EFHD1: variants seen among roughly 807,000 people sequenced by gnomAD.
The protein encoded by EFHD1 is EF-hand domain-containing protein D1.
EFHD1 carries 10 observed loss-of-function variants against 17.2 expected under a neutral mutation model. That is an observed-to-expected ratio of 0.58 (90% CI 0.36 to 0.99). The LOEUF (loss-of-function observed/expected upper bound fraction) is 0.99. Among genes scored for constraint, EFHD1 ranks in the 50% least tolerant of loss-of-function variants. The pLI is 0.01. For missense variants in EFHD1, 310 were observed against 327.5 expected, an observed-to-expected ratio of 0.95 and a Z score of 0.41; for synonymous variants, 153 against 142.0, an observed-to-expected ratio of 1.08 and a Z score of -0.55.
chr2:232,648,249 G>A (rs1694570177), intron 1 of EFHD1, among the ~76,000 whole-genome samples: 1 of 152,102 alleles, frequency 6.6e-6, no homozygotes, highest in Admixed American at 6.6e-5. Context: ...AAGGAGAGCT[G>A]GGAGTTTATC....
intron 1 of EFHD1, among the ~76,000 whole-genome samples, chr2:232,654,416 C>CTTTTTTTTTTTT (rs539954632): frequency 9.5e-5 from 9 of 94,596 alleles, no homozygotes; most frequent in Admixed American, 1.3e-4. Context: ...TTCTTTCTTT[C>CTTTTTTTTTTTT]TTTTTTTTTT....
chr2:232,627,074 T>A (rs1405280892), intron 1 of EFHD1, among the ~76,000 whole-genome samples: 1 of 141,768 alleles, frequency 7.1e-6, no homozygotes, highest in African/African-American at 2.6e-5. Context: ...ATTTTTTTTT[T>A]TTTTTAATTA....
chr2:232,669,229 G>A (rs1695023399), intron 2 of EFHD1, among the ~76,000 whole-genome samples: 1 of 152,134 alleles, frequency 6.6e-6, no homozygotes, highest in Non-Finnish European at 1.5e-5. Flanking sequence ...CTTCTTTCAA[G>A]TCAATGTTCA....
intron 1 of EFHD1, among the ~76,000 whole-genome samples, chr2:232,635,535 G>A (rs1479400741): frequency 1.3e-5 from 2 of 152,150 alleles, no homozygotes; most frequent in South Asian, 2.1e-4. Context: ...CACGCAAAGG[G>A]GAGCCGGGCA....
intron 1 of EFHD1, among the ~76,000 whole-genome samples, chr2:232,612,724 T>C (rs1293526616): frequency 6.7e-6 from 1 of 148,578 alleles, no homozygotes; most frequent in East Asian, 2.0e-4. Context: ...GTAGTTTCTT[T>C]TTTTCTTTTC....
At chr2:232,645,231 G>T (rs1186764049) in intron 1 of EFHD1, among the ~76,000 whole-genome samples, 1 of 152,118 alleles carries the variant, frequency 6.6e-6, no homozygotes, top group African/African-American at 2.4e-5. Context: ...CCTGGAGCGG[G>T]CCACATCCAA....
intron 1 of EFHD1, among the ~76,000 whole-genome samples, chr2:232,661,237 C>T (rs1282559434): frequency 6.6e-6 from 1 of 152,114 alleles, no homozygotes; most frequent in Non-Finnish European, 1.5e-5. Context: ...TATCGTGCTG[C>T]CATCACCACC....
intron 1 of EFHD1, among the ~76,000 whole-genome samples, chr2:232,625,302 C>T (rs1694087779): frequency 1.5e-5 from 2 of 134,846 alleles, no homozygotes; most frequent in South Asian, 2.3e-4. Context: ...CTAATTTAAA[C>T]ATTTTTTTTT....
At chr2:232,633,573 C>CTCCCAACCGCCGGG, upstream of EFHD1, 1 of 1,306,604 alleles carries the variant, frequency 7.7e-7, no homozygotes, top group Non-Finnish European at 9.7e-7. Flanking sequence ...TCCTCAGACC[C>CTCCCAACCGCCGGG]TCCCAACCGC....
At chr2:232,614,071 CATT>C (rs1270009536) in intron 1 of EFHD1, among the ~76,000 whole-genome samples, 8 of 151,902 alleles carry the variant, frequency 5.3e-5, no homozygotes, top group Admixed American at 2.6e-4. Flanking sequence ...CATGCACACA[CATT>C]ATACACACAT....
intron 1 of EFHD1, among the ~76,000 whole-genome samples, chr2:232,646,526 C>T (rs1694532435): frequency 6.7e-6 from 1 of 148,314 alleles, no homozygotes; most frequent in Non-Finnish European, 1.5e-5. Flanking sequence ...CTCACTGCAG[C>T]CTCCGCCTCC....
intron 3 of EFHD1, among the ~76,000 whole-genome samples, chr2:232,680,432 C>T (rs992233096): frequency 5.9e-5 from 9 of 152,150 alleles, no homozygotes; most frequent in Admixed American, 1.3e-4. Context: ...CACCAAATTC[C>T]ATTCACAATA....
chr2:232,670,934 T>C (rs575269365), intron 2 of EFHD1, among the ~76,000 whole-genome samples: 1 of 152,322 alleles, frequency 6.6e-6, no homozygotes, highest in East Asian at 1.9e-4. Context: ...TAAAAAACCA[T>C]TGGAAATATT....
chr2:232,617,096 GCCCATTGACTGGAGCCCT>G (rs1306975933), intron 1 of EFHD1, among the ~76,000 whole-genome samples: 1 of 152,184 alleles, frequency 6.6e-6, no homozygotes, highest in Non-Finnish European at 1.5e-5. Flanking sequence ...GCTCTTCGGG[GCCCATTGACTGGAGCCCT>G]CCATGTGGCA....
intron 3 of EFHD1, among the ~76,000 whole-genome samples, chr2:232,677,997 C>T (rs2106220766): frequency 6.6e-6 from 1 of 152,024 alleles, no homozygotes; most frequent in South Asian, 2.1e-4. Flanking sequence ...CTTAAAACTT[C>T]AGGGGCCAGG....
chr2:232,654,043 C>T (rs1437100404), intron 1 of EFHD1, among the ~76,000 whole-genome samples: 3 of 151,850 alleles, frequency 2.0e-5, no homozygotes, highest in Admixed American at 6.6e-5. Context: ...CCTGTCTCTA[C>T]TAAAAATACA....
rs982756602 is a variant in EFHD1 at position 232,669,340 on chromosome 2, G to A, written c.451-2969G>A. 1.2e-4 allele frequency among the ~76,000 whole-genome samples: 19 copies of A among 152,268 alleles called. No individual in the cohort carries two copies. The South Asian group carries it at 3.3e-3, about 27-fold the overall frequency. The stretch of plus-strand genomic sequence containing the variant: ...ATGGCTGACCGTCGGCCTCTCCGTG[G>A]GCATCTTGCTGTGTCTCTTGCTTTG... On this transcript the variant is annotated intron_variant, in intron 2 of 3. Coordinates refer to ENST00000264059, the MANE Select transcript of EFHD1 (RefSeq NM_025202.4).
chr2:232,677,241 CGT>C (rs143713037), intron 3 of EFHD1, among the ~76,000 whole-genome samples: 2,357 of 131,014 alleles, frequency 0.018, 33 homozygotes, highest in East Asian at 0.057. Flanking sequence ...CACACACACA[CGT>C]ACACACACAC....
intron 1 of EFHD1, among the ~76,000 whole-genome samples, chr2:232,648,015 G>A (rs1694566590): frequency 6.6e-6 from 1 of 152,176 alleles, no homozygotes; most frequent in African/African-American, 2.4e-5. Flanking sequence ...CGAGGCAAGA[G>A]GATTGCTTGA....
Sources: gnomAD v4.1 joint callset for allele counts (sites outside exome capture counted in the v4.1 genomes callset) on GRCh38, gnomAD v4.1.1 for gene constraint, MANE v1.5 for transcripts, NCBI Gene and HGNC (gene_info 2026-07-23, HGNC 2026-07-21) for gene names.